Variants in C8B observed in about 807,000 individuals in gnomAD.
C8B encodes complement C8 beta chain.
A neutral mutation model predicts 64.6 loss-of-function variants in C8B; 67 were observed. The ratio of observed to expected loss-of-function variants is 1.04; its 90% CI spans 0.85 to 1.27. The LOEUF is 1.27. Ranked by LOEUF, C8B falls within the 50% of genes most tolerant of loss-of-function variation. The pLI, the probability that C8B is intolerant of heterozygous loss-of-function variation, is 0.00. For synonymous variants in C8B, 284 were observed against 257.7 expected (o/e 1.10, Z -0.98); for missense variants, 790 against 725.2 (o/e 1.09, Z -1.03).
At chr1:56,951,336 G>C (rs1438433988) in intron 5 of C8B, among the ~76,000 whole-genome samples, 1 of 152,186 alleles carries the variant, frequency 6.6e-6, no homozygotes, top group Non-Finnish European at 1.5e-5. Flanking sequence ...GAGGCCCAGA[G>C]TGGAAAAGGA....
intron 5 of C8B, among the ~76,000 whole-genome samples, chr1:56,950,481 G>T (rs1049107493): frequency 3.0e-4 from 46 of 152,276 alleles, no homozygotes; most frequent in South Asian, 1.2e-3. Context: ...AACTGCCAAG[G>T]GTACTGCCCT....
intron 9 of C8B, among the ~76,000 whole-genome samples, chr1:56,935,673 T>C (rs1324554048): frequency 1.3e-5 from 2 of 152,244 alleles, no homozygotes; most frequent in Non-Finnish European, 2.9e-5. Flanking sequence ...GCAACAATCT[T>C]ATGAGTTCGT....
At chr1:56,951,279 G>A (rs775487806) in intron 5 of C8B, among the ~76,000 whole-genome samples, 11 of 152,210 alleles carry the variant, frequency 7.2e-5, no homozygotes, top group East Asian at 3.9e-4. Flanking sequence ...GGAAATTACC[G>A]TCAAGATCTT....
At chr1:56,953,377 T>G (rs1174661314) in intron 4 of C8B, among the ~76,000 whole-genome samples, 1 of 152,222 alleles carries the variant, frequency 6.6e-6, no homozygotes, top group Non-Finnish European at 1.5e-5. Context: ...GTGCTGACTT[T>G]GTGGAGGCAT....
chr1:56,946,260 G>A (rs1383415070), intron 6 of C8B, among the ~76,000 whole-genome samples, 199 bp from the exon 7 acceptor site: 1 of 152,132 alleles, frequency 6.6e-6, no homozygotes, highest in Non-Finnish European at 1.5e-5. Flanking sequence ...GTTCAGCTTG[G>A]AAGAGCTTGC....
chr1:56,963,781 C>T, intron 1 of C8B: 2 of 758,998 alleles, frequency 2.6e-6, no homozygotes, highest in Non-Finnish European at 3.2e-6. Flanking sequence ...CCTGGAATAG[C>T]TGTGAGGATT....
chr1:56,931,263 A>G (rs1290260715), intron 11 of C8B, among the ~76,000 whole-genome samples: 1 of 152,236 alleles, frequency 6.6e-6, no homozygotes, highest in Non-Finnish European at 1.5e-5. Context: ...TTCAACTATT[A>G]TCACTGAGCA....
Position 56,965,888 on chromosome 1 carries a change from C to T in C8B, c.61G>A (p.Ala21Thr), listed in dbSNP as rs1233092970. The change falls in exon 1 of 12, where the codon GCC becomes ACC. Residue 21 changes from alanine to threonine, a missense_variant. Physicochemically the swap from Ala to Thr is moderately conservative, Grantham distance 58. Coordinates refer to ENST00000371237, the MANE Select transcript of C8B (RefSeq NM_000066.4). ...CCAGGCAAACTGAGACAGCCCAGGG[C>T]AGCACAGAGAAGAAATAGCTCCACC... The part of the protein sequence containing the change: ...APVELFLLCA[A>T]LGCLSLPGSR... 3 of 1,613,944 alleles carry T rather than the reference C, an allele frequency of 1.9e-6. No homozygotes were observed. Among genetic ancestry groups the T allele is most frequent in the Non-Finnish European group, 2.5e-6 (3 of 1,180,024 alleles).
At chr1:56,951,615 C>T (rs1042354543) in intron 5 of C8B, among the ~76,000 whole-genome samples, 9 of 152,202 alleles carry the variant, frequency 5.9e-5, no homozygotes, top group African/African-American at 2.2e-4. Context: ...TCTGTGGACT[C>T]ACCATTAAGC....
intron 2 of C8B, among the ~76,000 whole-genome samples, chr1:56,957,967 G>C (rs2101456678): frequency 6.6e-6 from 1 of 152,322 alleles, no homozygotes; most frequent in East Asian, 1.9e-4. Flanking sequence ...ACTGACGAGA[G>C]TGGGGCTCAG....
intron 6 of C8B, among the ~76,000 whole-genome samples, chr1:56,948,114 G>A (rs1437294198): frequency 1.3e-5 from 2 of 152,094 alleles, no homozygotes; most frequent in African/African-American, 2.4e-5. Flanking sequence ...TCCTATAACT[G>A]GCAATTTGAA....
chr1:56,934,311 G>A (rs997822604), intron 9 of C8B, among the ~76,000 whole-genome samples: 1 of 152,058 alleles, frequency 6.6e-6, no homozygotes, highest in Non-Finnish European at 1.5e-5. Context: ...TAAGGTGATG[G>A]CAGGGGGCAT....
chr1:56,941,509 CATAGATAGATAG>C (rs200918831), intron 8 of C8B, among the ~76,000 whole-genome samples: 106 of 86,782 alleles, frequency 1.2e-3, no homozygotes, highest in African/African-American at 3.2e-3. Flanking sequence ...TAGATAGATA[CATAGATAGATAG>C]ATAGATAGAT....
Position 56,945,940 on chromosome 1 carries a change from C to T in C8B, c.986G>A (p.Ser329Asn), listed in dbSNP as rs1570388219. Residue 329 changes from serine to asparagine, a missense_variant, in exon 7 of 12, where the codon AGC (serine) becomes AAC (asparagine). Coordinates refer to ENST00000371237, the MANE Select transcript of C8B (RefSeq NM_000066.4). Reference sequence around the variant, plus strand: ...GAAGAGATCTCTGTATTCCCCGTAGCTGTACTCCAGGGGCAGCCGCTTAAC... The same window carrying T: ...GAAGAGATCTCTGTATTCCCCGTAGTTGTACTCCAGGGGCAGCCGCTTAAC... ...QRVKRLPLEY[S>N]YGEYRDLFRD... 1 of 1,614,124 alleles carries T rather than the reference C, an allele frequency of 6.2e-7. No individual in the cohort carries two copies. The highest frequency in any genetic ancestry group is 2.2e-5 in the East Asian group (1 of 44,866).
chr1:56,949,858 T>G, intron 5 of C8B, 106 bp from the exon 6 acceptor site: 1 of 808,484 alleles, frequency 1.2e-6, no homozygotes, highest in South Asian at 1.5e-5. Flanking sequence ...GATACTGAAC[T>G]AGATGCTCTG....
chr1:56,949,721 T>C lies in C8B; in HGVS notation c.698A>G (p.Glu233Gly), dbSNP rs1644993149. 6.2e-7 allele frequency: 1 copy of C among 1,613,706 alleles called. No homozygotes were observed. Residue 233 changes from glutamate (E) to glycine (G), a missense_variant, in exon 6 of 12, where the codon GAG becomes GGG. By Grantham distance (98) the Glu-to-Gly change is moderately conservative (BLOSUM62 -2). Transcript: ENST00000371237. ...TTCAAAATCTGAGTATGATTCATAC[T>C]CTTTTAATATGAATTCGTATTTGCC... is the stretch of plus-strand genomic sequence containing the variant. ...TQGKYEFILK[E>G]YESYSDFERN...
At chr1:56,951,961 G>GGATGTGTCCAAGGTCA in intron 5 of C8B, 87 bp downstream of exon 5, 1 of 1,402,878 alleles carries the variant, frequency 7.1e-7, no homozygotes, top group Non-Finnish European at 9.5e-7. Context: ...AGAGAAAAGG[G>GGATGTGTCCAAGGTCA]CTAGCAGGCT....
intron 8 of C8B, among the ~76,000 whole-genome samples, chr1:56,941,432 T>C (rs1644853795): frequency 6.6e-6 from 1 of 151,692 alleles, no homozygotes. Context: ...TGATAGGAGA[T>C]AGATAATAGA....
At chr1:56,946,616 G>T (rs1225646635) in intron 6 of C8B, among the ~76,000 whole-genome samples, 4 of 152,184 alleles carry the variant, frequency 2.6e-5, no homozygotes, top group Non-Finnish European at 5.9e-5. Flanking sequence ...CACTCCAATG[G>T]CAGTGTTGAA....
Sources: allele counts gnomAD v4.1 joint callset (sites outside exome capture counted in the v4.1 genomes callset), GRCh38; gene constraint gnomAD v4.1.1; transcripts MANE v1.5; gene names NCBI Gene and HGNC (gene_info 2026-07-23, HGNC 2026-07-21).